PIN4: variants seen among roughly 807,000 people sequenced by gnomAD.
PIN4 encodes the protein peptidyl-prolyl cis-trans isomerase NIMA-interacting 4.
In PIN4, 3 loss-of-function variants were observed where a neutral mutation model predicts 8.3. The observed-to-expected ratio is 0.36, with a 90% confidence interval of 0.16 to 0.93. The LOEUF (loss-of-function observed/expected upper bound fraction) is 0.93, where lower values mean the gene tolerates loss of function less well. Among genes scored for constraint, PIN4 ranks in the 40% least tolerant of loss-of-function variants. PIN4 has a pLI of 0.44. For synonymous variants in PIN4, 18 were observed against 32.5 expected (o/e 0.55, Z 1.52); for missense variants, 75 against 100.6 (o/e 0.75, Z 1.09).
intron 3 of PIN4, among the ~76,000 whole-genome samples, chrX:72,227,177 A>G (rs752764096): frequency 1.1e-4 from 12 of 111,670 alleles, no homozygotes; most frequent in African/African-American, 3.9e-4. Flanking sequence ...CCCACAACCA[A>G]CAAATGGGCT....
chrX:72,187,255 TG>T (rs2042708233), intron 2 of PIN4, among the ~76,000 whole-genome samples: 1 of 112,029 alleles, frequency 8.9e-6, no homozygotes, highest in Non-Finnish European at 1.9e-5. Flanking sequence ...ACCATGAAAA[TG>T]GGGGCAGGAG....
intron 2 of PIN4, among the ~76,000 whole-genome samples, chrX:72,191,688 T>C (rs1013263202): frequency 3.6e-5 from 4 of 112,247 alleles, no homozygotes; most frequent in African/African-American, 9.7e-5. Flanking sequence ...CTTTTAAATG[T>C]TTTTATTATT....
At chrX:72,186,792 C>G (rs2042705887) in intron 2 of PIN4, among the ~76,000 whole-genome samples, 1 of 111,184 alleles carries the variant, frequency 9.0e-6, no homozygotes, top group African/African-American at 3.3e-5. Context: ...TGGTGGTGTA[C>G]ACTTGTAATC....
rs4477150 is a variant in PIN4, at chrX:72,224,470, A to G, written c.312+27566A>G. Among the ~76,000 whole-genome samples, 819 of 111,419 alleles carry G rather than the reference A, an allele frequency of 7.4e-3. 9 individuals carry two copies. The highest frequency in any genetic ancestry group is 0.026 in the African/African-American group (783 of 30,624). ...TCCACATCAAATAGACTTAAAACCCAAATTCCTGGCTCACGCCTGTAATCA... is the reference window on the plus strand; with the variant it reads ...TCCACATCAAATAGACTTAAAACCCGAATTCCTGGCTCACGCCTGTAATCA... On this transcript the variant is annotated intron_variant, in intron 3 of 3. Coordinates refer to the PIN4 transcript ENST00000423432.
intron 1 of PIN4, among the ~76,000 whole-genome samples, chrX:72,183,703 T>C (rs191716868): frequency 8.9e-6 from 1 of 112,025 alleles, no homozygotes; most frequent in African/African-American, 3.2e-5. Context: ...GGATGGTAGA[T>C]AGAGAAGGAC....
At chrX:72,200,161 CAAA>C (rs1176406555), downstream of PIN4, among the ~76,000 whole-genome samples, 3 of 44,525 alleles carry the variant, frequency 6.7e-5, no homozygotes, top group Admixed American at 2.7e-4. Flanking sequence ...AAAACTGTCT[CAAA>C]AAAAAAAAAA....
At chrX:72,229,408 A>G (rs2042970904) in intron 3 of PIN4, among the ~76,000 whole-genome samples, 1 of 111,550 alleles carries the variant, frequency 9.0e-6, no homozygotes, top group Admixed American at 9.6e-5. Context: ...CTCAATATCA[A>G]TGGTGCAACA....
chrX:72,202,655 G>GT (rs2042794403), downstream of PIN4, among the ~76,000 whole-genome samples: 1 of 111,402 alleles, frequency 9.0e-6, no homozygotes, highest in Non-Finnish European at 1.9e-5. Context: ...AGTTACACCA[G>GT]TATTTCAAAA....
intron 3 of PIN4, among the ~76,000 whole-genome samples, chrX:72,239,817 C>A (rs1450005323): frequency 1.9e-5 from 2 of 103,296 alleles, no homozygotes; most frequent in East Asian, 6.0e-4. Context: ...GTGCCTCACG[C>A]CTGTTATCCT....
At position 72,208,269 on chromosome X, in the gene PIN4, C is replaced by T. The variant is rs7056605; in HGVS notation, c.312+11365C>T. On this transcript the variant is annotated intron_variant, in intron 3 of 3. Coordinates refer to the PIN4 transcript ENST00000423432. ...TTTTGACTCTCATTCCTGGAGTCCA[C>T]TTGATGAATTCTTTTACCCATGTGT... The T allele has an allele frequency of 4.3e-3, 5,221 of 1,209,988 alleles. 169 individuals are homozygous for T. The African/African-American group carries it at 0.082, about 19-fold the overall frequency.
chrX:72,242,470 C>A (rs2043052739), intron 3 of PIN4, among the ~76,000 whole-genome samples: 1 of 112,105 alleles, frequency 8.9e-6, no homozygotes, highest in Non-Finnish European at 1.9e-5. Context: ...CCAGCCCAGG[C>A]TCCTAGTCCT....
At chrX:72,232,547 G>A (rs969842439) in intron 3 of PIN4, among the ~76,000 whole-genome samples, 14 of 111,859 alleles carry the variant, frequency 1.3e-4, no homozygotes, top group African/African-American at 3.6e-4. Context: ...GGTGGCTCAC[G>A]CCTGTAATCC....
At chrX:72,259,439 C>T (rs922673023) in intron 3 of PIN4, among the ~76,000 whole-genome samples, 1 of 109,809 alleles carries the variant, frequency 9.1e-6, no homozygotes, top group Admixed American at 9.9e-5. Context: ...AGACTGGTCT[C>T]GAACTCCTCA....
intron 3 of PIN4, among the ~76,000 whole-genome samples, chrX:72,256,668 A>AG (rs1210637238): frequency 8.9e-6 from 1 of 111,788 alleles, no homozygotes; most frequent in African/African-American, 3.3e-5. Context: ...GTCAAAAGGG[A>AG]GAAAAAAAAC....
chrX:72,181,922 G>C, intron 1 of PIN4, 94 bp downstream of exon 1: 1 of 579,221 alleles, frequency 1.7e-6, no homozygotes, highest in Non-Finnish European at 3.0e-6. Context: ...GACGGACGCA[G>C]CAGGTAGCCA....
chrX:72,232,416 CA>C (rs11302655), intron 3 of PIN4, among the ~76,000 whole-genome samples: 13,360 of 34,884 alleles, frequency 0.38, 1,674 homozygotes, highest in East Asian at 0.84. Context: ...AGACCTGCCT[CA>C]AAAAAAAAAA....
intron 3 of PIN4, among the ~76,000 whole-genome samples, chrX:72,250,088 G>A (rs2043080892): frequency 9.2e-6 from 1 of 108,478 alleles, no homozygotes; most frequent in South Asian, 4.1e-4. Flanking sequence ...CCTGTGTTCT[G>A]GAGACTTTTC....
chrX:72,241,682 G>T (rs1187376260), intron 3 of PIN4, among the ~76,000 whole-genome samples: 2 of 111,225 alleles, frequency 1.8e-5, no homozygotes, highest in African/African-American at 6.6e-5. Flanking sequence ...CGGGCATGGT[G>T]GCACATGCCT....
chrX:72,257,078 T>C (rs1277759516), intron 3 of PIN4, among the ~76,000 whole-genome samples: 1 of 112,019 alleles, frequency 8.9e-6, no homozygotes, highest in Non-Finnish European at 1.9e-5. Flanking sequence ...CCCAGCACTT[T>C]GGGAGGCCGA....
Sources: gnomAD v4.1 joint callset for allele counts (sites outside exome capture counted in the v4.1 genomes callset) on GRCh38, gnomAD v4.1.1 for gene constraint, MANE v1.5 for transcripts, NCBI Gene and HGNC (gene_info 2026-07-23, HGNC 2026-07-21) for gene names.